The following EFCAB8 variants were observed in gnomAD, a reference collection of about 807,000 sequenced individuals.
EFCAB8 encodes EF-hand calcium-binding domain-containing protein 8.
A neutral mutation model predicts 116.3 loss-of-function variants in EFCAB8; 100 were observed. That is an observed-to-expected ratio of 0.86 (90% CI 0.73 to 1.02). The LOEUF is 1.02. Ranked by LOEUF, EFCAB8 falls within the 50% of genes least tolerant of loss-of-function variation. EFCAB8 has a pLI of 0.00. For synonymous variants in EFCAB8, 558 were observed against 567.9 expected (o/e 0.98, Z 0.25); for missense variants, 1,320 against 1,416.9 (o/e 0.93, Z 1.10).
chr20:32,869,515 C>T (rs937428311), intron 3 of EFCAB8, among the ~76,000 whole-genome samples: 8 of 152,156 alleles, frequency 5.3e-5, no homozygotes, highest in African/African-American at 1.9e-4. Flanking sequence ...GGATTACAGG[C>T]GTGAGCTGCT....
At chr20:32,916,779 A>G (rs1318532815) in intron 17 of EFCAB8, among the ~76,000 whole-genome samples, 1 of 151,968 alleles carries the variant, frequency 6.6e-6, no homozygotes, top group Admixed American at 6.6e-5. Flanking sequence ...CAGTGCTGTG[A>G]AAAAAAAGTA....
intron 5 of EFCAB8, among the ~76,000 whole-genome samples, chr20:32,879,277 AGGCCCT>A (rs1257188935): frequency 6.6e-6 from 1 of 152,140 alleles, no homozygotes; most frequent in Non-Finnish European, 1.5e-5. Context: ...GCCCCCAGCC[AGGCCCT>A]GGAGGCCTCA....
At chr20:32,880,243 C>T (rs1985255269) in intron 5 of EFCAB8, among the ~76,000 whole-genome samples, 2 of 150,930 alleles carry the variant, frequency 1.3e-5, no homozygotes, top group Non-Finnish European at 1.5e-5. Context: ...ATAGAGAAGG[C>T]GGCTTGAATG....
chr20:32,942,922 C>T (rs923610430), intron 22 of EFCAB8, among the ~76,000 whole-genome samples: 1 of 152,148 alleles, frequency 6.6e-6, no homozygotes. Context: ...GTTTTACATA[C>T]ATTTGGGTTG....
chr20:32,944,573 A>G (rs536213520), intron 23 of EFCAB8, among the ~76,000 whole-genome samples: 2 of 152,298 alleles, frequency 1.3e-5, no homozygotes, highest in African/African-American at 4.8e-5. Context: ...TTGTATTTTC[A>G]TATGCTTTCA....
At chr20:32,886,092 A>T (rs971521285) in intron 6 of EFCAB8, among the ~76,000 whole-genome samples, 2 of 152,182 alleles carry the variant, frequency 1.3e-5, no homozygotes, top group South Asian at 4.1e-4. Context: ...CTGGAGCCCA[A>T]ATCCCAGGGT....
intron 6 of EFCAB8, among the ~76,000 whole-genome samples, chr20:32,886,754 G>A (rs1325487418): frequency 2.0e-5 from 3 of 152,312 alleles, no homozygotes; most frequent in African/African-American, 7.2e-5. Context: ...GGGGACAGAG[G>A]AAGGCTCTCT....
intron 17 of EFCAB8, among the ~76,000 whole-genome samples, chr20:32,913,215 G>A (rs1266815418): frequency 1.3e-5 from 2 of 152,200 alleles, no homozygotes; most frequent in African/African-American, 4.8e-5. Flanking sequence ...ATTTATCAGA[G>A]TTCTGGAGAT....
chr20:32,916,587 C>G (rs891997813), intron 17 of EFCAB8, among the ~76,000 whole-genome samples: 2 of 152,098 alleles, frequency 1.3e-5, no homozygotes, highest in Admixed American at 6.6e-5. Context: ...GGCACTGATT[C>G]CATTTATGAG....
At chr20:32,934,386 C>A (rs1377811136) in intron 22 of EFCAB8, among the ~76,000 whole-genome samples, 1 of 152,074 alleles carries the variant, frequency 6.6e-6, no homozygotes, top group East Asian at 1.9e-4. Flanking sequence ...TATATCTTGG[C>A]TATTGTGAAA....
chr20:32,929,514 T>TC (rs1987811375), intron 20 of EFCAB8, among the ~76,000 whole-genome samples: 1 of 148,560 alleles, frequency 6.7e-6, no homozygotes, highest in South Asian at 2.1e-4. Context: ...TTTTTTTTTT[T>TC]TTTCTTTAAA....
chr20:32,915,278 G>A (rs140451264), intron 17 of EFCAB8, among the ~76,000 whole-genome samples: 109 of 152,298 alleles, frequency 7.2e-4, no homozygotes, highest in Middle Eastern at 3.4e-3. Flanking sequence ...GTTGTCAGGA[G>A]AAACCAGGAA....
In EFCAB8 at chr20:32,940,042, TTCCTTCC is replaced by T. The variant is rs1568942598; in HGVS notation, c.2791-3592_2791-3586del. On this transcript the variant is annotated intron_variant, in intron 22 of 26. Transcript: ENST00000400522. ...CTCCCTCCCTTCCTTCCTTCCTTCC[TTCCTTCC>T]TTCCTTCCTTCCTTCCTTCCTTCCT... is the stretch of plus-strand genomic sequence containing the variant. 9.3e-5 allele frequency among the ~76,000 whole-genome samples: 7 copies of T among 75,650 alleles called. 1 individual carries two copies. Among genetic ancestry groups the T allele is most frequent in the Non-Finnish European group, 1.7e-4 (7 of 40,144 alleles). The allele number at this position is 75,650 out of a possible 152,430, so 49.6% of individuals were successfully genotyped here. A position where few individuals can be genotyped will look rare whatever the true frequency, so the allele number is the denominator to read the frequency against.
chr20:32,935,031 G>A (rs1988048651), intron 22 of EFCAB8, among the ~76,000 whole-genome samples: 1 of 151,948 alleles, frequency 6.6e-6, no homozygotes, highest in African/African-American at 2.4e-5. Flanking sequence ...GATGTAAGAT[G>A]ATATCTCATT....
At position 32,931,457 on chromosome 20, in the gene EFCAB8, T is replaced by C. The variant is rs1037935080; in HGVS notation, c.2790+121T>C. On this transcript the variant is annotated intron_variant, in intron 22 of 26. Transcript: ENST00000400522. ...TTACTAAAAGATAAGAGCAAAAATATTGATAGAATTAGTATTCGTGGCCAG... is the reference window on the plus strand; with the variant it reads ...TTACTAAAAGATAAGAGCAAAAATACTGATAGAATTAGTATTCGTGGCCAG... 4.7e-6 allele frequency: 6 copies of C among 1,282,838 alleles called. No homozygotes were observed. The Admixed American group carries it at 1.7e-4, about 36-fold the overall frequency. 79.5% of individuals were successfully genotyped at this position (1,282,838 alleles called of 1,614,324 possible).
intron 22 of EFCAB8, among the ~76,000 whole-genome samples, chr20:32,939,957 A>G (rs1301283162): frequency 1.4e-5 from 2 of 142,152 alleles, no homozygotes; most frequent in African/African-American, 2.7e-5. Flanking sequence ...AGCCTCCCAA[A>G]GTGCTACGAT....
chr20:32,873,547 T>C (rs1027282635), intron 3 of EFCAB8, among the ~76,000 whole-genome samples: 3 of 151,984 alleles, frequency 2.0e-5, no homozygotes, highest in African/African-American at 7.3e-5. Flanking sequence ...CCAAAGTTTA[T>C]ATTTTGATAA....
At chr20:32,897,473 T>G (rs62208908) in intron 10 of EFCAB8, among the ~76,000 whole-genome samples, 57,570 of 149,882 alleles carry the variant, frequency 0.38, 12,602 homozygotes, top group Middle Eastern at 0.55. Context: ...GTCAGGGCCT[T>G]ACTCTGCTGC....
intron 23 of EFCAB8, among the ~76,000 whole-genome samples, chr20:32,948,568 GAA>G (rs59817437): frequency 3.1e-4 from 42 of 135,856 alleles, no homozygotes; most frequent in African/African-American, 1.3e-3. Context: ...AAGAAAGAAA[GAA>G]AGAAAGAAAG....
Sources: gnomAD v4.1 joint callset for allele counts (sites outside exome capture counted in the v4.1 genomes callset) on GRCh38, gnomAD v4.1.1 for gene constraint, MANE v1.5 for transcripts, NCBI Gene and HGNC (gene_info 2026-07-23, HGNC 2026-07-21) for gene names.